Variants in HABP4 observed in about 807,000 individuals in gnomAD.
HABP4 encodes hyaluronan binding protein 4.
In HABP4, 32 loss-of-function variants were observed where a neutral mutation model predicts 44.1. The observed-to-expected ratio is 0.73, with a 90% CI of 0.55 to 0.97. HABP4 has a LOEUF of 0.97. Ranked by LOEUF, HABP4 falls within the 50% of genes least tolerant of loss-of-function variation. HABP4 has a pLI of 0.00. For missense variants in HABP4, 503 were observed against 561.9 expected, an observed-to-expected ratio of 0.90 and a Z score of 1.06; for synonymous variants, 216 against 218.0, an observed-to-expected ratio of 0.99 and a Z score of 0.08.
chr9:96,466,727 G>GT (rs1832606748), intron 4 of HABP4, among the ~76,000 whole-genome samples: 1 of 152,132 alleles, frequency 6.6e-6, no homozygotes, highest in South Asian at 2.1e-4. Flanking sequence ...TCTTCTGCTA[G>GT]TTAGAGTGGA....
At chr9:96,472,798 T>A (rs1263853892) in intron 5 of HABP4, among the ~76,000 whole-genome samples, 1 of 152,232 alleles carries the variant, frequency 6.6e-6, no homozygotes, top group Non-Finnish European at 1.5e-5. Context: ...TCCCCTCCAC[T>A]TATTCCTCCC....
chr9:96,467,192 G>T (rs531114682), intron 4 of HABP4, among the ~76,000 whole-genome samples: 1 of 151,986 alleles, frequency 6.6e-6, no homozygotes. Flanking sequence ...CAAAGTGCTG[G>T]GATTACAGGC....
At chr9:96,478,160 TCTCA>T (rs929274713) in intron 5 of HABP4, among the ~76,000 whole-genome samples, 3 of 151,870 alleles carry the variant, frequency 2.0e-5, no homozygotes, top group African/African-American at 7.3e-5. Context: ...TGAGACAGAG[TCTCA>T]CTCTGTCACC....
chr9:96,485,986 A>T (rs1832969192), intron 6 of HABP4, among the ~76,000 whole-genome samples: 1 of 152,136 alleles, frequency 6.6e-6, no homozygotes, highest in African/African-American at 2.4e-5. Context: ...TGAGGTCAGG[A>T]GTTCGAGACC....
chr9:96,483,799 A>G, intron 5 of HABP4: 1 of 151,994 alleles, frequency 6.6e-6, no homozygotes, highest in Non-Finnish European at 1.5e-5. Flanking sequence ...TAAGAGTTTT[A>G]TATTTTAGCT....
intron 5 of HABP4, among the ~76,000 whole-genome samples, chr9:96,474,620 C>A (rs760905610): frequency 5.3e-5 from 8 of 152,024 alleles, no homozygotes; most frequent in Admixed American, 3.3e-4. Context: ...ATTGAGTGAC[C>A]GTGCCGAGAG....
At chr9:96,457,370 G>C (rs1832413412) in intron 1 of HABP4, among the ~76,000 whole-genome samples, 1 of 152,068 alleles carries the variant, frequency 6.6e-6, no homozygotes, top group South Asian at 2.1e-4. Flanking sequence ...CAAAACCAGA[G>C]TCTGTGGTCC....
chr9:96,457,666 G>A (rs773208108), intron 1 of HABP4, among the ~76,000 whole-genome samples: 7 of 152,110 alleles, frequency 4.6e-5, no homozygotes, highest in Admixed American at 1.3e-4. Flanking sequence ...CTGGGAGTTC[G>A]AGACCAGCCT....
In HABP4 at chr9:96,458,545, T is replaced by C; in HGVS notation, c.512+4T>C. The C allele has an allele frequency of 6.2e-7, 1 of 1,606,138 alleles. No individual in the cohort carries two copies. Among genetic ancestry groups the C allele is most frequent in the Non-Finnish European group, 8.5e-7 (1 of 1,172,898 alleles). On this transcript the variant is annotated splice_donor_region_variant and intron_variant, in intron 2 of 7. Transcript: ENST00000375249. ...CTGAGAAGTTTCCAGATGAAAAGTA[T>C]GTGCTGCAGTCCTCAGCAGGGCGGG...
chr9:96,482,261 C>T (rs561793246), intron 5 of HABP4, among the ~76,000 whole-genome samples: 29 of 152,266 alleles, frequency 1.9e-4, no homozygotes, highest in African/African-American at 7.0e-4. Context: ...TCATCACAAA[C>T]AGAAACTCTA....
At chr9:96,467,122 C>G (rs1025333471) in intron 4 of HABP4, among the ~76,000 whole-genome samples, 7 of 152,080 alleles carry the variant, frequency 4.6e-5, no homozygotes, top group African/African-American at 1.4e-4. Context: ...GGGGTTTCAC[C>G]ACATTGGTCA....
intron 2 of HABP4, among the ~76,000 whole-genome samples, chr9:96,459,019 G>A (rs1832452689): frequency 6.6e-6 from 1 of 152,170 alleles, no homozygotes; most frequent in African/African-American, 2.4e-5. Flanking sequence ...CTTAGATGAT[G>A]GGAAGGATCT....
chr9:96,484,653 T>A lies in HABP4; in HGVS notation c.999+20T>A. 3 of 1,368,998 alleles carry A rather than the reference T, an allele frequency of 2.2e-6. No individual in the cohort carries two copies. The highest frequency in any genetic ancestry group is 2.4e-5 in the South Asian group (2 of 84,154). The allele number at this position is 1,368,998 out of a possible 1,614,324, so 84.8% of individuals were successfully genotyped here. A position where few individuals can be genotyped will look rare whatever the true frequency, so the allele number is the denominator to read the frequency against. The stretch of plus-strand genomic sequence containing the variant: ...GATGATGTAAGCATTGCATTTCGTA[T>A]GTAGAGGTAATCTTTACTTTTACCT... On this transcript the variant is annotated intron_variant, in intron 6 of 7. Coordinates refer to ENST00000375249, the MANE Select transcript of HABP4 (RefSeq NM_014282.4).
chr9:96,480,679 T>G (rs1404872742), intron 5 of HABP4, among the ~76,000 whole-genome samples: 1 of 152,224 alleles, frequency 6.6e-6, no homozygotes, highest in African/African-American at 2.4e-5. Flanking sequence ...TAGTTCAACA[T>G]GCATATCACT....
intron 5 of HABP4, among the ~76,000 whole-genome samples, chr9:96,474,084 C>T (rs964807761): frequency 1.3e-5 from 2 of 152,164 alleles, no homozygotes; most frequent in Admixed American, 6.5e-5. Context: ...GTAGCTAGTG[C>T]TTTATCAGTA....
rs1833004839 is a variant in HABP4, at chr9:96,488,010, C to T, written c.1000-79C>T. The T allele has an allele frequency of 3.1e-6, 3 of 982,028 alleles. No individual in the cohort carries two copies. The highest frequency in any genetic ancestry group is 4.9e-6 in the Non-Finnish European group (3 of 618,388). 60.8% of individuals were successfully genotyped at this position (982,028 alleles called of 1,614,324 possible). The stretch of plus-strand genomic sequence containing the variant: ...TGATGGTGTTTTAGCTCCTGTGTAG[C>T]ACACTGCAGCCACTAAGCCAGATGA... On this transcript the variant is annotated intron_variant, in intron 6 of 7. Coordinates refer to ENST00000375249, the MANE Select transcript of HABP4 (RefSeq NM_014282.4). This position sits in a 1 kb window ranked among gnomAD's most constrained non-coding sequence, Gnocchi z 4.6.
chr9:96,473,264 A>T (rs1303593577), intron 5 of HABP4, among the ~76,000 whole-genome samples: 2 of 152,124 alleles, frequency 1.3e-5, no homozygotes, highest in African/African-American at 4.8e-5. Context: ...AGCCTGACCG[A>T]GACTGAGCTG....
At position 96,490,422 on chromosome 9, in the gene HABP4, A is replaced by AAC. The variant is rs1833070158; in HGVS notation, c.*388_*389dup. On this transcript the variant is annotated 3_prime_UTR_variant, in exon 8 of 8. Coordinates refer to ENST00000375249, the MANE Select transcript of HABP4 (RefSeq NM_014282.4). ...GGGCTGTGCCTTTAGCGTTAGAGGAAACACATAGAGCTGGAACTGTTAATG... is the reference window on the plus strand; with the variant it reads ...GGGCTGTGCCTTTAGCGTTAGAGGAAACACACATAGAGCTGGAACTGTTAATG... 5.7e-6 allele frequency: 1 copy of AAC among 175,170 alleles called. No individual in the cohort carries two copies. The highest frequency in any genetic ancestry group is 2.4e-5 in the African/African-American group (1 of 42,416). The allele number at this position is 175,170 out of a possible 1,614,324, so 10.9% of individuals were successfully genotyped here.
intron 5 of HABP4, among the ~76,000 whole-genome samples, chr9:96,475,023 G>A (rs1832759340): frequency 6.6e-6 from 1 of 152,046 alleles, no homozygotes; most frequent in Non-Finnish European, 1.5e-5. Flanking sequence ...GTTCCTTGTT[G>A]CATAGTGTTC....
Sources: allele counts gnomAD v4.1 joint callset (sites outside exome capture counted in the v4.1 genomes callset), GRCh38; gene constraint gnomAD v4.1.1; non-coding constraint Gnocchi (gnomAD v3.1); transcripts MANE v1.5; gene names NCBI Gene and HGNC (gene_info 2026-07-23, HGNC 2026-07-21).